TENM4: variants seen among roughly 807,000 people sequenced by gnomAD.
TENM4 encodes the protein teneurin transmembrane protein 4, also known as teneurin-4.
TENM4 carries 82 observed loss-of-function variants against 243.3 expected under a neutral mutation model. The ratio of observed to expected loss-of-function variants is 0.34; its 90% CI spans 0.28 to 0.40. TENM4 has a LOEUF of 0.40. Ranked by LOEUF, TENM4 falls within the 10% of genes least tolerant of loss-of-function variation. TENM4 has a pLI of 1.00. For missense variants in TENM4, 3,138 were observed against 3,673.3 expected (o/e 0.85, Z 3.77); for synonymous variants, 1,412 against 1,456.3 (o/e 0.97, Z 0.69).
At position 79,017,127 on chromosome 11, in the gene TENM4, A is replaced by AT. The variant is rs370169263; in HGVS notation, c.493+47610dup. Among the ~76,000 whole-genome samples, 563 of 152,270 alleles carry AT rather than the reference A, an allele frequency of 3.7e-3. 4 individuals carry two copies. Among genetic ancestry groups the AT allele is most frequent in the African/African-American group, 0.013 (539 of 41,542 alleles). On this transcript the variant is annotated intron_variant, in intron 6 of 33. Transcript: ENST00000278550. ...GTGACGAGAATGATGGAGGAGATCA[A>AT]TTTTTTTCTGCTGTGAGCAGAGCAG... is the stretch of plus-strand genomic sequence containing the variant.
intron 26 of TENM4, among the ~76,000 whole-genome samples, chr11:78,710,358 C>T (rs1260525298): frequency 2.6e-5 from 4 of 152,158 alleles, no homozygotes; most frequent in African/African-American, 7.2e-5. Context: ...TCTCACTGGC[C>T]AGCAGGGTGC....
chr11:79,017,171 A>G (rs747922336), intron 6 of TENM4, among the ~76,000 whole-genome samples: 24 of 152,228 alleles, frequency 1.6e-4, no homozygotes, highest in Non-Finnish European at 2.5e-4. Context: ...TGGTGGGTCA[A>G]TTGGCCAGCT....
intron 5 of TENM4, chr11:79,068,189 A>C (rs901548515): frequency 3.9e-5 from 6 of 152,242 alleles, no homozygotes; most frequent in Non-Finnish European, 7.3e-5. Flanking sequence ...AATGAATAAC[A>C]GGCAGCATTT....
chr11:78,952,096 TG>T (rs1857119035), intron 6 of TENM4, among the ~76,000 whole-genome samples: 1 of 152,314 alleles, frequency 6.6e-6, no homozygotes, highest in South Asian at 2.1e-4. Context: ...AGGGGTGAGC[TG>T]ACTGCTTTCT....
At chr11:79,081,534 G>GGGGTGTGTGTGTGT (rs1555004509) in intron 4 of TENM4, among the ~76,000 whole-genome samples, 1 of 148,176 alleles carries the variant, frequency 6.7e-6, no homozygotes, top group Non-Finnish European at 1.5e-5. Flanking sequence ...TGTCAGAGGT[G>GGGGTGTGTGTGTGT]GTGTGTGTGT....
chr11:78,903,080 C>T (rs1008162145), intron 7 of TENM4, among the ~76,000 whole-genome samples, 188 bp downstream of exon 7: 1 of 152,160 alleles, frequency 6.6e-6, no homozygotes, highest in African/African-American at 2.4e-5. Context: ...AGCACTGGAC[C>T]TTGGGTCTCT....
intron 6 of TENM4, among the ~76,000 whole-genome samples, chr11:78,941,305 A>T (rs1157377542): frequency 6.7e-6 from 1 of 148,278 alleles, no homozygotes; most frequent in Non-Finnish European, 1.5e-5. Flanking sequence ...TTAGCACCTT[A>T]CGTGCTTAGC....
rs147128435 is a variant in TENM4, at chr11:78,943,991, T to G, written c.494-40468A>C. On this transcript the variant is annotated intron_variant, in intron 6 of 33. Transcript: ENST00000278550. Reference sequence around the variant, plus strand: ...AGGACTGCGTTTCTGTTCCCCACCTTGGGAGCACTCATACTTTCACATGCC... The same window carrying G: ...AGGACTGCGTTTCTGTTCCCCACCTGGGGAGCACTCATACTTTCACATGCC... Among the ~76,000 whole-genome samples, 727 of 152,332 alleles carry G rather than the reference T, an allele frequency of 4.8e-3. 2 individuals are homozygous for G. Among genetic ancestry groups the G allele is most frequent in the Non-Finnish European group, 8.0e-3 (543 of 68,024 alleles).
intron 2 of TENM4, among the ~76,000 whole-genome samples, chr11:79,267,582 T>A (rs1314921100): frequency 6.6e-6 from 1 of 152,196 alleles, no homozygotes; most frequent in Non-Finnish European, 1.5e-5. Context: ...AATTAAAACA[T>A]CTCTGGTCCT....
intron 2 of TENM4, among the ~76,000 whole-genome samples, chr11:79,244,813 G>A (rs1046337980): frequency 6.6e-6 from 1 of 152,090 alleles, no homozygotes; most frequent in African/African-American, 2.4e-5. Flanking sequence ...AAAGACTCAG[G>A]GCAAGGGGTG....
intron 1 of TENM4, among the ~76,000 whole-genome samples, chr11:79,338,747 C>T (rs1437752761): frequency 6.6e-6 from 1 of 152,172 alleles, no homozygotes; most frequent in African/African-American, 2.4e-5. Context: ...ATTCCTGAGG[C>T]CAAAAGGCCT....
At chr11:78,998,500 AT>A (rs1451658352) in intron 6 of TENM4, among the ~76,000 whole-genome samples, 1 of 152,102 alleles carries the variant, frequency 6.6e-6, no homozygotes, top group African/African-American at 2.4e-5. Flanking sequence ...AAAAATAACT[AT>A]TTTAATTTTC....
intron 3 of TENM4, among the ~76,000 whole-genome samples, chr11:79,184,049 G>C (rs1006098743): frequency 1.3e-5 from 2 of 152,160 alleles, no homozygotes; most frequent in South Asian, 2.1e-4. Context: ...ACAGATGTTT[G>C]TACATCTATG....
At chr11:79,168,600 T>C (rs1862970727) in intron 3 of TENM4, among the ~76,000 whole-genome samples, 1 of 152,176 alleles carries the variant, frequency 6.6e-6, no homozygotes, top group Admixed American at 6.5e-5. Context: ...AGCTGGTTGA[T>C]ACAGCATCTG....
intron 5 of TENM4, among the ~76,000 whole-genome samples, chr11:79,066,553 G>A (rs1860251965): frequency 6.6e-6 from 1 of 152,092 alleles, no homozygotes; most frequent in Non-Finnish European, 1.5e-5. Context: ...CACACATGCA[G>A]ACACACACAG....
chr11:78,911,491 AAG>A (rs966410353), intron 6 of TENM4, among the ~76,000 whole-genome samples: 3 of 152,218 alleles, frequency 2.0e-5, no homozygotes, highest in Admixed American at 6.5e-5. Context: ...GAAAGGTAGG[AAG>A]AGAGAGAGGC....
intron 2 of TENM4, among the ~76,000 whole-genome samples, chr11:79,228,214 G>A (rs1864307379): frequency 6.6e-6 from 1 of 152,198 alleles, no homozygotes; most frequent in Admixed American, 6.5e-5. Flanking sequence ...CCCTCGGGTG[G>A]TGGGCCAGCT....
At chr11:79,071,694 G>A (rs1032323515) in intron 4 of TENM4, among the ~76,000 whole-genome samples, 29 of 152,214 alleles carry the variant, frequency 1.9e-4, no homozygotes, top group African/African-American at 6.3e-4. Context: ...TCTTTGGCCC[G>A]TTTTTCCAAG....
intron 10 of TENM4, among the ~76,000 whole-genome samples, chr11:78,858,584 G>T (rs1858735970): frequency 6.6e-6 from 1 of 152,114 alleles, no homozygotes; most frequent in African/African-American, 2.4e-5. Context: ...CTTCTGTCTT[G>T]CTTGTTAAAA....
Sources: allele counts gnomAD v4.1 joint callset (sites outside exome capture counted in the v4.1 genomes callset), GRCh38; gene constraint gnomAD v4.1.1; transcripts MANE v1.5; gene names NCBI Gene and HGNC (gene_info 2026-07-23, HGNC 2026-07-21).